Variants in BRDT observed in about 807,000 individuals in gnomAD.
The protein encoded by BRDT is bromodomain testis-specific protein.
BRDT carries 77 observed loss-of-function variants against 113.9 expected under a neutral mutation model. That is an observed-to-expected ratio of 0.68 (90% CI 0.56 to 0.82). The LOEUF (loss-of-function observed/expected upper bound fraction) is 0.82. Among genes scored for constraint, BRDT ranks in the 40% least tolerant of loss-of-function variants. The probability of loss-of-function intolerance (pLI) is 0.00; values close to 1 mark genes in which losing one functional copy is unlikely to be tolerated. For missense variants in BRDT, 1,027 were observed against 1,105.4 expected, an observed-to-expected ratio of 0.93 and a Z score of 1.01; for synonymous variants, 358 against 366.5, an observed-to-expected ratio of 0.98 and a Z score of 0.26.
intron 11 of BRDT, 35 bp from the exon 12 acceptor site, chr1:91,981,583 C>G: frequency 6.2e-7 from 1 of 1,606,342 alleles, no homozygotes; most frequent in East Asian, 2.2e-5. Context: ...CTATTTAATT[C>G]TTCTGGCATT....
At chr1:91,989,699 ATTCTCAATC>A (rs1468562512) in intron 12 of BRDT, among the ~76,000 whole-genome samples, 29 of 152,286 alleles carry the variant, frequency 1.9e-4, no homozygotes, top group Admixed American at 1.8e-3. Context: ...CTGGATGTAT[ATTCTCAATC>A]TTCTCAGTCT....
rs1470103830 is a variant in BRDT at position 91,968,221 on chromosome 1, G to A, written c.406G>A (p.Glu136Lys). The change falls in exon 4 of 19, where the codon GAA (glutamate) becomes AAA (lysine). Residue 136 changes from glutamate (E) to lysine (K), a missense_variant. Glu to Lys is a moderately conservative substitution (Grantham distance 56). Coordinates refer to ENST00000399546, the MANE Select transcript of BRDT (RefSeq NM_207189.4). The stretch of plus-strand genomic sequence containing the variant: ...GCAGAAATTATCTCAGATGCCACAA[G>A]AAGAGCAAGTTGTGGGTGTTAAGGA... ...FMQKLSQMPQ[E>K]EQVVGVKERI... 6.2e-6 allele frequency: 10 copies of A among 1,613,950 alleles called. No homozygotes were observed. The highest frequency in any genetic ancestry group is 5.3e-5 in the African/African-American group (4 of 74,922).
chr1:91,956,945 AT>A (rs1681838261), intron 1 of BRDT, among the ~76,000 whole-genome samples: 1 of 152,156 alleles, frequency 6.6e-6, no homozygotes, highest in African/African-American at 2.4e-5. Context: ...TCTCCAAAAA[AT>A]TTTTAAAAAT....
intron 4 of BRDT, 106 bp downstream of exon 4, chr1:91,968,366 C>T: frequency 1.4e-6 from 2 of 1,408,858 alleles, no homozygotes; most frequent in Non-Finnish European, 1.9e-6. Context: ...AGAAGTCCTA[C>T]ATCCTATTCT....
At chr1:91,993,413 A>G (rs1176904417) in intron 14 of BRDT, among the ~76,000 whole-genome samples, 1 of 152,210 alleles carries the variant, frequency 6.6e-6, no homozygotes, top group Non-Finnish European at 1.5e-5. Flanking sequence ...AGCTGCTTCT[A>G]TTATTTCTAG....
chr1:91,972,015 T>TC (rs1553188018), intron 4 of BRDT, among the ~76,000 whole-genome samples: 6 of 152,050 alleles, frequency 3.9e-5, no homozygotes, highest in East Asian at 3.9e-4. Flanking sequence ...CCTTTTTTTT[T>TC]TTTCTTTCTT....
At chr1:91,976,497 T>C (rs1354654387) in intron 5 of BRDT, 59 bp downstream of exon 5, 1 of 1,424,348 alleles carries the variant, frequency 7.0e-7, no homozygotes, top group African/African-American at 1.5e-5. Context: ...TTTTTTCCAT[T>C]TATAGGAAAA....
chr1:91,966,333 T>A (rs193065958), intron 3 of BRDT, among the ~76,000 whole-genome samples: 2 of 152,368 alleles, frequency 1.3e-5, no homozygotes, highest in African/African-American at 2.4e-5. Context: ...AAAGTTTGAT[T>A]TGGCTCCCAA....
chr1:92,005,096 G>T, intron 17 of BRDT, 23 bp from the exon 18 acceptor site: 3 of 1,436,080 alleles, frequency 2.1e-6, no homozygotes, highest in South Asian at 1.7e-5. Context: ...AACCTACTTT[G>T]AGCTATACTT....
At chr1:91,966,758 G>A (rs971660946) in intron 3 of BRDT, among the ~76,000 whole-genome samples, 3 of 152,120 alleles carry the variant, frequency 2.0e-5, no homozygotes, top group South Asian at 2.1e-4. Context: ...ACTTGTAAGC[G>A]AATAGTTAAG....
intron 2 of BRDT, among the ~76,000 whole-genome samples, chr1:91,963,180 G>A (rs369152552): frequency 3.3e-5 from 5 of 152,104 alleles, no homozygotes; most frequent in African/African-American, 1.2e-4. Context: ...AAAATTAGCC[G>A]GGCGTGGTGG....
At chr1:91,987,259 G>A (rs555662317) in intron 12 of BRDT, among the ~76,000 whole-genome samples, 76 of 152,142 alleles carry the variant, frequency 5.0e-4, no homozygotes, top group Non-Finnish European at 9.3e-4. Context: ...TGTAATGAAA[G>A]TGTGGTTTCT....
chr1:92,001,855 G>A (rs1686880740), intron 15 of BRDT, among the ~76,000 whole-genome samples, 194 bp from the exon 16 acceptor site: 1 of 152,040 alleles, frequency 6.6e-6, no homozygotes, highest in African/African-American at 2.4e-5. Flanking sequence ...AGAGCAAAGT[G>A]GTAACTTTCA....
intron 3 of BRDT, among the ~76,000 whole-genome samples, 163 bp from the exon 4 acceptor site, chr1:91,967,983 A>C (rs1570475783): frequency 1.3e-5 from 2 of 152,344 alleles, no homozygotes; most frequent in South Asian, 4.1e-4. Context: ...ATAGAGAATA[A>C]GAAAATAAAA....
chr1:91,967,104 T>C (rs1342980223), intron 3 of BRDT, among the ~76,000 whole-genome samples: 2 of 152,196 alleles, frequency 1.3e-5, no homozygotes, highest in African/African-American at 4.8e-5. Context: ...GAAAAAAATA[T>C]TAAAAAATTG....
At chr1:91,969,907 C>G (rs546415762) in intron 4 of BRDT, among the ~76,000 whole-genome samples, 2 of 143,592 alleles carry the variant, frequency 1.4e-5, no homozygotes, top group East Asian at 4.7e-4. Flanking sequence ...CTGCTCACTG[C>G]AACCTCTGCC....
At chr1:91,973,373 A>G (rs1328427761) in intron 4 of BRDT, among the ~76,000 whole-genome samples, 2 of 152,126 alleles carry the variant, frequency 1.3e-5, no homozygotes, top group Non-Finnish European at 2.9e-5. Flanking sequence ...TACCTTGGGC[A>G]GTATGGCCAT....
At chr1:91,984,571 C>T (rs927288450) in intron 12 of BRDT, among the ~76,000 whole-genome samples, 1 of 151,906 alleles carries the variant, frequency 6.6e-6, no homozygotes, top group Non-Finnish European at 1.5e-5. Context: ...GCTTTATCTG[C>T]TACATCAGTA....
At chr1:91,956,032 T>C (rs530150186) in intron 1 of BRDT, among the ~76,000 whole-genome samples, 1 of 152,346 alleles carries the variant, frequency 6.6e-6, no homozygotes, top group South Asian at 2.1e-4. Context: ...TATTTGCTTT[T>C]CTATATAGCC....
Sources: gnomAD v4.1 joint callset for allele counts (sites outside exome capture counted in the v4.1 genomes callset) on GRCh38, gnomAD v4.1.1 for gene constraint, MANE v1.5 for transcripts, NCBI Gene and HGNC (gene_info 2026-07-23, HGNC 2026-07-21) for gene names.